Variants in MYH11 observed in about 807,000 individuals in gnomAD.
MYH11 encodes the protein myosin heavy chain 11.
In MYH11, 80 loss-of-function variants were observed where a neutral mutation model predicts 246.6. The observed-to-expected ratio is 0.32, with a 90% CI of 0.27 to 0.39. MYH11 has a LOEUF of 0.39. Among genes scored for constraint, MYH11 ranks in the 10% least tolerant of loss-of-function variants. The pLI is 1.00. For missense variants in MYH11, 2,158 were observed against 2,546.8 expected, an observed-to-expected ratio of 0.85 and a Z score of 3.29; for synonymous variants, 1,071 against 1,015.5, an observed-to-expected ratio of 1.05 and a Z score of -1.04.
rs565584211 is a variant in MYH11, at chr16:15,725,776, G to A, written c.3859-784C>T. 4 of 398,644 alleles carry A rather than the reference G, an allele frequency of 1.0e-5. No homozygotes were observed. In the Admixed American group the frequency reaches 1.8e-4, roughly 18 times the overall value. The allele number at this position is 398,644 out of a possible 1,614,324, so 24.7% of individuals were successfully genotyped here. On this transcript the variant is annotated intron_variant, in intron 28 of 40. Coordinates refer to ENST00000300036, the MANE Select transcript of MYH11 (RefSeq NM_002474.3). ...CACGTCCCCATGAGTGGCAAGGCAG[G>A]GTAAATGGCTATGCCAAGTGAAAGA... is the stretch of plus-strand genomic sequence containing the variant.
chr16:15,721,685 C>T (rs1461420672), intron 31 of MYH11, 51 bp from the exon 32 acceptor site: 1 of 1,592,000 alleles, frequency 6.3e-7, no homozygotes. Context: ...GGGTCAGCGT[C>T]ACTGAATTGT....
At position 15,750,385 on chromosome 16, in the gene MYH11, G is replaced by C. The variant is rs1004403455; in HGVS notation, c.1865-54C>G. On this transcript the variant is annotated intron_variant, in intron 15 of 40. Coordinates refer to ENST00000300036, the MANE Select transcript of MYH11 (RefSeq NM_002474.3). This position sits in a 1 kb window ranked among gnomAD's most constrained non-coding sequence, Gnocchi z 4.3. ...CCTCTGGCCCACCCACCCCTAAATAGGCCAGAGGCTCAGCCCCAGCCCCAC... is the reference window on the plus strand; with the variant it reads ...CCTCTGGCCCACCCACCCCTAAATACGCCAGAGGCTCAGCCCCAGCCCCAC... The C allele has an allele frequency of 8.5e-6, 13 of 1,524,730 alleles. No homozygotes were observed. Among genetic ancestry groups the C allele is most frequent in the Non-Finnish European group, 1.1e-5 (12 of 1,131,934 alleles). The allele number at this position is 1,524,730 out of a possible 1,614,324, so 94.5% of individuals were successfully genotyped here.
At chr16:15,757,193 G>C (rs564656182) in intron 13 of MYH11, among the ~76,000 whole-genome samples, 3 of 150,440 alleles carry the variant, frequency 2.0e-5, no homozygotes, top group Admixed American at 6.6e-5. Context: ...GTCTCACTCT[G>C]TTATCCAGGC....
chr16:15,761,317 T>C lies in MYH11; in HGVS notation c.1130-659A>G, dbSNP rs376369841. ...TAGTTGAGATGGAGTTACACCGTGTTGCCCAGGCTGGTCTCGAAGTCCTGA... is the reference window on the plus strand; with the variant it reads ...TAGTTGAGATGGAGTTACACCGTGTCGCCCAGGCTGGTCTCGAAGTCCTGA... On this transcript the variant is annotated intron_variant, in intron 10 of 40. Transcript: ENST00000300036. Among the ~76,000 whole-genome samples, 5 of 152,282 alleles carry C rather than the reference T, an allele frequency of 3.3e-5. No homozygotes were observed. In the East Asian group the frequency reaches 9.7e-4, roughly 29 times the overall value.
intron 1 of MYH11, among the ~76,000 whole-genome samples, chr16:15,839,677 G>A (rs2044001641): frequency 6.6e-6 from 1 of 151,388 alleles, no homozygotes; most frequent in Non-Finnish European, 1.5e-5. Context: ...CTCGGCGACA[G>A]AGCGAGACTC....
intron 2 of MYH11, 32 bp downstream of exon 2, chr16:15,837,876 G>C: frequency 1.3e-6 from 2 of 1,582,510 alleles, no homozygotes; most frequent in South Asian, 1.1e-5. Context: ...TATGAGGCCA[G>C]GAGTAGGTAC....
intron 32 of MYH11, 117 bp from the exon 33 acceptor site, chr16:15,721,168 A>T: frequency 8.5e-7 from 1 of 1,178,780 alleles, no homozygotes. Context: ...CTCCCACAGG[A>T]TGCATGGCCG....
At chr16:15,824,501 G>A (rs2043507320) in intron 2 of MYH11, among the ~76,000 whole-genome samples, 3 of 152,070 alleles carry the variant, frequency 2.0e-5, no homozygotes, top group South Asian at 2.1e-4. Context: ...GGCTGGTCTC[G>A]AACTCCTGAG....
chr16:15,721,215 C>G (rs369324036), intron 32 of MYH11, 164 bp from the exon 33 acceptor site: 25 of 961,946 alleles, frequency 2.6e-5, no homozygotes, highest in East Asian at 2.3e-4. Context: ...AGACCCCAGC[C>G]TTATCCTCGG....
intron 40 of MYH11, chr16:15,708,738 C>A (rs569219458): frequency 1.3e-6 from 2 of 1,517,342 alleles, no homozygotes; most frequent in Admixed American, 1.9e-5. Context: ...GGCAGAGGGG[C>A]GCATTGGGCA....
At chr16:15,802,197 C>T (rs1311801077) in intron 3 of MYH11, among the ~76,000 whole-genome samples, 1 of 152,136 alleles carries the variant, frequency 6.6e-6, no homozygotes, top group Non-Finnish European at 1.5e-5. Flanking sequence ...AAAGAGCCAC[C>T]GCATTAGGAT....
At chr16:15,845,334 AGT>A (rs1258900674) in intron 1 of MYH11, among the ~76,000 whole-genome samples, 1 of 137,696 alleles carries the variant, frequency 7.3e-6, no homozygotes, top group African/African-American at 2.7e-5. Context: ...AGCTATCATT[AGT>A]GCTAGTGTAT....
intron 9 of MYH11, 139 bp downstream of exon 9, chr16:15,771,430 T>C: frequency 1.9e-6 from 2 of 1,047,546 alleles, no homozygotes; most frequent in Non-Finnish European, 2.7e-6. Context: ...AAATTCATTT[T>C]CCTCCTTTTT....
intron 3 of MYH11, among the ~76,000 whole-genome samples, chr16:15,820,330 C>T (rs938482944): frequency 1.3e-5 from 2 of 152,038 alleles, no homozygotes; most frequent in South Asian, 4.2e-4. Context: ...CAAAATTAGC[C>T]GGGTGTGGTG....
At chr16:15,856,096 G>A (rs2044460626) in intron 1 of MYH11, among the ~76,000 whole-genome samples, 1 of 152,160 alleles carries the variant, frequency 6.6e-6, no homozygotes, top group Admixed American at 6.6e-5. Flanking sequence ...CATTGACACA[G>A]GTGGCTCTGC....
chr16:15,713,305 G>T (rs1397172802), intron 40 of MYH11: 1 of 152,092 alleles, frequency 6.6e-6, no homozygotes, highest in East Asian at 1.9e-4. Flanking sequence ...TGAGGCAGTG[G>T]GAGCTTGTGC....
At chr16:15,771,401 A>C (rs1475693188) in intron 9 of MYH11, among the ~76,000 whole-genome samples, 168 bp downstream of exon 9, 1 of 151,284 alleles carries the variant, frequency 6.6e-6, no homozygotes, top group African/African-American at 2.4e-5. Context: ...TCTACAACAC[A>C]AACAAACCAC....
At chr16:15,778,750 C>T in intron 7 of MYH11, 30 bp downstream of exon 7, 1 of 1,609,990 alleles carries the variant, frequency 6.2e-7, no homozygotes, top group Middle Eastern at 1.7e-4. Flanking sequence ...GCAGGGGTAC[C>T]CATTTGGCCC....
rs1311913510 is a variant in MYH11, at chr16:15,748,144, C to T, written c.2083G>A (p.Val695Met). The change falls in exon 17 of 41, where the codon GTG (valine) becomes ATG (methionine). Residue 695 changes from valine (V) to methionine (M), a missense_variant. By Grantham distance (21) the Val-to-Met change is conservative (BLOSUM62 1). Transcript: ENST00000300036. ...CCATTGCACCGCAGCTGCTCCAGCA[C>T]CAGGAACGCATCCAGCTTGCCGGAC... ...KRSGKLDAFL[V>M]LEQLRCNGVL... 5.0e-6 allele frequency: 8 copies of T among 1,614,000 alleles called. No homozygotes were observed. Among genetic ancestry groups the T allele is most frequent in the Non-Finnish European group, 5.9e-6 (7 of 1,180,042 alleles).
Sources: allele counts gnomAD v4.1 joint callset (sites outside exome capture counted in the v4.1 genomes callset), GRCh38; gene constraint gnomAD v4.1.1; non-coding constraint Gnocchi (gnomAD v3.1); transcripts MANE v1.5; gene names NCBI Gene and HGNC (gene_info 2026-07-23, HGNC 2026-07-21).